SRP68: variants seen among roughly 807,000 people sequenced by gnomAD.
SRP68 encodes the protein signal recognition particle 68.
A neutral mutation model predicts 82.2 loss-of-function variants in SRP68; 15 were observed. The ratio of observed to expected loss-of-function variants is 0.18; its 90% CI spans 0.12 to 0.28. SRP68 has a LOEUF of 0.28. Among genes scored for constraint, SRP68 ranks in the 10% least tolerant of loss-of-function variants. The pLI is 1.00. For synonymous variants in SRP68, 261 were observed against 292.6 expected (o/e 0.89, Z 1.10); for missense variants, 595 against 780.5 (o/e 0.76, Z 2.83).
chr17:76,067,923 T>C (rs1466919649), intron 2 of SRP68, among the ~76,000 whole-genome samples: 2 of 152,022 alleles, frequency 1.3e-5, no homozygotes, highest in East Asian at 3.9e-4. Context: ...ACAAGGCAAA[T>C]GTCAAGTTGA....
chr17:76,046,574 C>T (rs1037255594), intron 10 of SRP68, among the ~76,000 whole-genome samples: 3 of 151,528 alleles, frequency 2.0e-5, no homozygotes, highest in Non-Finnish European at 2.9e-5. Flanking sequence ...TACGATCACA[C>T]CACTGCACTC....
At chr17:76,061,019 A>C in intron 6 of SRP68, 91 bp downstream of exon 6, 1 of 800,626 alleles carries the variant, frequency 1.2e-6, no homozygotes, top group Non-Finnish European at 2.1e-6. Flanking sequence ...GAAGAAAGTT[A>C]CATCAACTCT....
rs191728103 is a variant in SRP68 at position 76,062,972 on chromosome 17, G to A, written c.561+1004C>T. Among the ~76,000 whole-genome samples, 434 of 150,420 alleles carry A rather than the reference G, an allele frequency of 2.9e-3. 6 individuals carry two copies. The highest frequency in any genetic ancestry group is 0.026 in the East Asian group (132 of 5,036). On this transcript the variant is annotated intron_variant, in intron 4 of 15. Coordinates refer to ENST00000307877, the MANE Select transcript of SRP68 (RefSeq NM_014230.4). Reference sequence around the variant, plus strand: ...TTTTTAGTAGAGATGGGGTTTCACCGTGTTAGCCAGGATGGTCTCGATCTC... The same window carrying A: ...TTTTTAGTAGAGATGGGGTTTCACCATGTTAGCCAGGATGGTCTCGATCTC...
At chr17:76,070,353 C>T (rs999730071) in intron 2 of SRP68, 25 bp downstream of exon 2, 1 of 1,602,774 alleles carries the variant, frequency 6.2e-7, no homozygotes, top group Non-Finnish European at 8.5e-7. Flanking sequence ...CAATGATTTC[C>T]AAACATCTTG....
At chr17:76,048,012 T>A (rs1188591999) in intron 9 of SRP68, 42 bp from the exon 10 acceptor site, 13 of 1,369,110 alleles carry the variant, frequency 9.5e-6, no homozygotes, top group Non-Finnish European at 1.3e-5. Flanking sequence ...CAACTGATGC[T>A]CTCCATCGCT....
intron 8 of SRP68, 82 bp downstream of exon 8, chr17:76,057,321 C>T: frequency 6.4e-7 from 1 of 1,556,252 alleles, no homozygotes; most frequent in South Asian, 1.1e-5. Context: ...GAACTGAATA[C>T]CAACGAGCCA....
Position 76,060,293 on chromosome 17 carries a change from T to C in SRP68, c.837+15A>G, listed in dbSNP as rs1250347972. ...TGTCCAAAGACTTTTCACAAAAATG[T>C]ACATACTAGATTACCTCCAATTTTT... On this transcript the variant is annotated intron_variant, in intron 7 of 15. Coordinates refer to ENST00000307877, the MANE Select transcript of SRP68 (RefSeq NM_014230.4). The C allele has an allele frequency of 3.8e-6, 6 of 1,593,708 alleles. No individual in the cohort carries two copies. The highest frequency in any genetic ancestry group is 5.2e-6 in the Non-Finnish European group (6 of 1,163,566).
intron 9 of SRP68, among the ~76,000 whole-genome samples, chr17:76,049,960 A>T (rs2144496101): frequency 6.6e-6 from 1 of 152,276 alleles, no homozygotes; most frequent in African/African-American, 2.4e-5. Context: ...CAATTAGGAG[A>T]CCTTTGCGGT....
chr17:76,039,858 G>C lies in SRP68; in HGVS notation c.1732C>G (p.Pro578Ala), dbSNP rs1359311603. The C allele has an allele frequency of 6.2e-7, 1 of 1,614,270 alleles. No homozygotes were observed. The highest frequency in any genetic ancestry group is 1.1e-5 in the South Asian group (1 of 91,088). Residue 578 changes from proline (P) to alanine (A), a missense_variant, in exon 16 of 16, where the codon CCA (proline) becomes GCA (alanine). By Grantham distance (27) the Pro-to-Ala change is conservative (BLOSUM62 -1). This residue lies in a region of SRP68 where 495 missense variants were observed against 688.6 expected (regional missense o/e 0.72). Transcript: ENST00000307877. ...VTKQANLVHF[P>A]PGFQPIPCKP... ...CAGGGAATGGGCTGGAAGCCTGGTG[G>C]GAAGTGCACAAGGTTGGCTTGCTTG...
At chr17:76,060,239 G>A (rs2066743136) in intron 7 of SRP68, 69 bp downstream of exon 7, 2 of 943,510 alleles carry the variant, frequency 2.1e-6, no homozygotes, top group African/African-American at 3.4e-5. Flanking sequence ...AATATCCCTA[G>A]GGGATTATGA....
intron 2 of SRP68, among the ~76,000 whole-genome samples, chr17:76,068,010 G>A (rs925942277): frequency 2.6e-5 from 4 of 152,018 alleles, no homozygotes; most frequent in Non-Finnish European, 5.9e-5. Context: ...AAGAATGAGG[G>A]GCTGGGTGCA....
Position 76,040,998 on chromosome 17 carries a change from T to C in SRP68, c.1525-20A>G, listed in dbSNP as rs1567924853. 4 of 1,610,560 alleles carry C rather than the reference T, an allele frequency of 2.5e-6. No homozygotes were observed. Among genetic ancestry groups the C allele is most frequent in the East Asian group, 2.2e-5 (1 of 44,808 alleles). ...CAGGTCCTGTAAGATTCAGAAAACG[T>C]GTACTCCCGAGCCAGGGCCAGGTCA... On this transcript the variant is annotated intron_variant, in intron 13 of 15. Coordinates refer to ENST00000307877, the MANE Select transcript of SRP68 (RefSeq NM_014230.4).
intron 2 of SRP68, among the ~76,000 whole-genome samples, chr17:76,069,804 C>T (rs1457104923): frequency 1.3e-5 from 2 of 151,302 alleles, no homozygotes; most frequent in African/African-American, 4.9e-5. Flanking sequence ...AGGCCAGACA[C>T]GGTGGCTCAC....
intron 8 of SRP68, among the ~76,000 whole-genome samples, chr17:76,054,649 C>T (rs527889376): frequency 7.2e-5 from 11 of 151,900 alleles, no homozygotes; most frequent in South Asian, 4.2e-4. Context: ...GTCAGGAGTT[C>T]GAGACCTACT....
At chr17:76,060,041 T>A (rs2066740147) in intron 7 of SRP68, among the ~76,000 whole-genome samples, 1 of 134,482 alleles carries the variant, frequency 7.4e-6, no homozygotes, top group Non-Finnish European at 1.5e-5. Flanking sequence ...CAGGAGAATG[T>A]CGTGAACCTG....
chr17:76,058,142 T>C (rs2066725433), intron 7 of SRP68, among the ~76,000 whole-genome samples: 1 of 133,244 alleles, frequency 7.5e-6, no homozygotes, highest in Non-Finnish European at 1.5e-5. Flanking sequence ...CTGGCTAATT[T>C]AAGAAAAAAA....
At chr17:76,062,449 A>C (rs1277101267) in intron 4 of SRP68, among the ~76,000 whole-genome samples, 2 of 134,030 alleles carry the variant, frequency 1.5e-5, no homozygotes, top group South Asian at 4.3e-4. Flanking sequence ...CTCTCTTTCT[A>C]AAAAACAAAC....
chr17:76,045,895 T>G, intron 11 of SRP68, 143 bp downstream of exon 11: 1 of 958,708 alleles, frequency 1.0e-6, no homozygotes, highest in East Asian at 2.4e-5. Context: ...ACTGCAGAAC[T>G]GGTGTAAGAT....
At chr17:76,055,807 C>CTTTTTTTTTTTTTT in intron 8 of SRP68, among the ~76,000 whole-genome samples, 1 of 106,568 alleles carries the variant, frequency 9.4e-6, no homozygotes, top group Non-Finnish European at 1.8e-5. Context: ...TTTTTTTCTT[C>CTTTTTTTTTTTTTT]TTTTTTTTTT....
Sources: allele counts gnomAD v4.1 joint callset (sites outside exome capture counted in the v4.1 genomes callset), GRCh38; gene constraint gnomAD v4.1.1; regional missense constraint gnomAD v4.1.1; transcripts MANE v1.5; gene names NCBI Gene and HGNC (gene_info 2026-07-23, HGNC 2026-07-21).